The following SLC25A12 variants were observed in gnomAD, a reference collection of about 807,000 sequenced individuals.
SLC25A12 encodes the protein electrogenic aspartate/glutamate antiporter SLC25A12, mitochondrial.
A neutral mutation model predicts 83.3 loss-of-function variants in SLC25A12; 32 were observed. That is an observed-to-expected ratio of 0.38 (90% CI 0.29 to 0.52). The LOEUF is 0.52. Among genes scored for constraint, SLC25A12 ranks in the 20% least tolerant of loss-of-function variants. The pLI, the probability that SLC25A12 is intolerant of heterozygous loss-of-function variation, is 0.84. For missense variants in SLC25A12, 611 were observed against 835.6 expected, an observed-to-expected ratio of 0.73 and a Z score of 3.31; for synonymous variants, 267 against 291.1, an observed-to-expected ratio of 0.92 and a Z score of 0.84.
intron 4 of SLC25A12, among the ~76,000 whole-genome samples, chr2:171,855,513 ATGT>A (rs1191510239): frequency 6.6e-6 from 1 of 151,942 alleles, no homozygotes; most frequent in Non-Finnish European, 1.5e-5. Context: ...AAATTGTTTC[ATGT>A]TGTTCAAAAT....
intron 9 of SLC25A12, among the ~76,000 whole-genome samples, chr2:171,819,711 G>A (rs1684144245): frequency 6.6e-6 from 1 of 151,592 alleles, no homozygotes; most frequent in Non-Finnish European, 1.5e-5. Flanking sequence ...GGTGAAAGAG[G>A]TAAAATGTTC....
At chr2:171,851,406 G>A (rs1272529280) in intron 4 of SLC25A12, among the ~76,000 whole-genome samples, 2 of 151,022 alleles carry the variant, frequency 1.3e-5, no homozygotes, top group Non-Finnish European at 2.9e-5. Flanking sequence ...GGCCAGGCTG[G>A]TCTCAAACTC....
intron 6 of SLC25A12, among the ~76,000 whole-genome samples, chr2:171,835,861 G>A (rs966862991): frequency 4.7e-5 from 7 of 149,296 alleles, no homozygotes; most frequent in Non-Finnish European, 1.0e-4. Context: ...TTGGATACCA[G>A]CAACCCAAAA....
chr2:171,852,156 G>A (rs1394671270), intron 4 of SLC25A12, among the ~76,000 whole-genome samples: 1 of 152,138 alleles, frequency 6.6e-6, no homozygotes, highest in Non-Finnish European at 1.5e-5. Flanking sequence ...AAAAACTCCA[G>A]AACCCTTTCC....
chr2:171,834,582 T>C (rs920665682), intron 7 of SLC25A12, 145 bp downstream of exon 7: 20 of 931,814 alleles, frequency 2.1e-5, no homozygotes, highest in African/African-American at 1.8e-4. Flanking sequence ...ACCTGGATTT[T>C]TGGAGCCCAA....
At chr2:171,867,940 G>T (rs1202736837) in intron 3 of SLC25A12, among the ~76,000 whole-genome samples, 2 of 151,892 alleles carry the variant, frequency 1.3e-5, no homozygotes, top group East Asian at 3.9e-4. Flanking sequence ...TGCCTCCTGG[G>T]TTCATGACAT....
chr2:171,832,427 T>G (rs543839590), intron 8 of SLC25A12, among the ~76,000 whole-genome samples: 142 of 152,316 alleles, frequency 9.3e-4, no homozygotes, highest in African/African-American at 3.4e-3. Flanking sequence ...ATGTTCACCA[T>G]AGACAACAAT....
At chr2:171,834,898 C>CAAACAA in intron 6 of SLC25A12, 33 bp from the exon 7 acceptor site, 2 of 1,603,616 alleles carry the variant, frequency 1.2e-6, no homozygotes, top group Non-Finnish European at 1.7e-6. Context: ...GTTTAAAAAA[C>CAAACAA]AAACAAAAAC....
chr2:171,784,327 A>C lies in SLC25A12; in HGVS notation c.*947T>G, dbSNP rs1293054516. On this transcript the variant is annotated 3_prime_UTR_variant, in exon 18 of 18. Coordinates refer to ENST00000422440, the MANE Select transcript of SLC25A12 (RefSeq NM_003705.5). ...CAATCAGTAGTCAATCAGAACAAAA[A>C]GTATTATCAGTATATTTACAAAGAA... The C allele has an allele frequency of 2.6e-5, 4 of 152,264 alleles. No individual in the cohort carries two copies. The highest frequency in any genetic ancestry group is 2.9e-5 in the Non-Finnish European group (2 of 68,042). The allele number at this position is 152,264 out of a possible 1,614,324, so 9.4% of individuals were successfully genotyped here.
At chr2:171,844,242 G>T (rs974607388) in intron 5 of SLC25A12, 127 bp downstream of exon 5, 5 of 975,222 alleles carry the variant, frequency 5.1e-6, no homozygotes, top group Admixed American at 2.2e-5. Context: ...CTGGCGAGGG[G>T]GAAATTTAAA....
intron 3 of SLC25A12, among the ~76,000 whole-genome samples, chr2:171,864,080 T>C (rs1225245051): frequency 6.6e-6 from 1 of 152,230 alleles, no homozygotes; most frequent in Non-Finnish European, 1.5e-5. Flanking sequence ...TTTATTACAA[T>C]AGCTACCTAA....
intron 3 of SLC25A12, among the ~76,000 whole-genome samples, chr2:171,860,691 C>T (rs1685136876): frequency 6.6e-6 from 1 of 151,910 alleles, no homozygotes; most frequent in African/African-American, 2.4e-5. Flanking sequence ...ATATCAATGG[C>T]TGCACTTTAC....
At chr2:171,815,070 A>G (rs371661803) in intron 10 of SLC25A12, 51 bp downstream of exon 10, 38 of 1,436,320 alleles carry the variant, frequency 2.6e-5, no homozygotes, top group Non-Finnish European at 3.4e-5. Flanking sequence ...GTCTGGTGAG[A>G]TAATATTACA....
intron 2 of SLC25A12, among the ~76,000 whole-genome samples, chr2:171,871,254 A>G (rs780381281): frequency 6.6e-6 from 1 of 151,764 alleles, no homozygotes; most frequent in Non-Finnish European, 1.5e-5. Flanking sequence ...CACAAGTGCT[A>G]TATCAGCCTG....
At chr2:171,820,377 G>C (rs995729822) in intron 9 of SLC25A12, among the ~76,000 whole-genome samples, 1 of 151,780 alleles carries the variant, frequency 6.6e-6, no homozygotes, top group Non-Finnish European at 1.5e-5. Context: ...TACCCAAGCA[G>C]GTCTATCACA....
chr2:171,868,666 C>T lies in SLC25A12; in HGVS notation c.209+15G>A. The T allele has an allele frequency of 6.2e-7, 1 of 1,612,110 alleles. No homozygotes were observed. Among genetic ancestry groups the T allele is most frequent in the Non-Finnish European group, 8.5e-7 (1 of 1,178,306 alleles). On this transcript the variant is annotated intron_variant, in intron 3 of 17. Transcript: ENST00000422440. ...CCAGAACATTAGTTTTCAGAAAATG[C>T]ATGAAGATACTTACCCATCCTTGGT...
At chr2:171,869,177 G>A (rs1023965779) in intron 2 of SLC25A12, among the ~76,000 whole-genome samples, 2 of 152,186 alleles carry the variant, frequency 1.3e-5, no homozygotes, top group African/African-American at 4.8e-5. Context: ...TGAAAGGAGA[G>A]GGGGAATGGG....
chr2:171,880,136 A>G (rs1406958064), intron 2 of SLC25A12, among the ~76,000 whole-genome samples: 12 of 152,352 alleles, frequency 7.9e-5, no homozygotes, highest in Non-Finnish European at 1.6e-4. Context: ...TGTAATACAG[A>G]TGAAGCAAGG....
At chr2:171,791,636 T>C in intron 14 of SLC25A12, 47 bp from the exon 15 acceptor site, 1 of 1,586,366 alleles carries the variant, frequency 6.3e-7, no homozygotes, top group Non-Finnish European at 8.7e-7. Context: ...AAACTGAGTG[T>C]GAATGCCCAA....
Sources: allele counts gnomAD v4.1 joint callset (sites outside exome capture counted in the v4.1 genomes callset), GRCh38; gene constraint gnomAD v4.1.1; transcripts MANE v1.5; gene names NCBI Gene and HGNC (gene_info 2026-07-23, HGNC 2026-07-21).